Variants in VWA3A observed in about 807,000 individuals in gnomAD.
VWA3A encodes von Willebrand factor A domain-containing protein 3A.
In VWA3A, 134 loss-of-function variants were observed where a neutral mutation model predicts 160.4. That is an observed-to-expected ratio of 0.84 (90% CI 0.73 to 0.96). The LOEUF is 0.96. Ranked by LOEUF, VWA3A falls within the 40% of genes least tolerant of loss-of-function variation. The pLI is 0.00. For synonymous variants in VWA3A, 476 were observed against 543.4 expected (o/e 0.88, Z 1.72); for missense variants, 1,310 against 1,447.9 (o/e 0.90, Z 1.55).
intron 1 of VWA3A, among the ~76,000 whole-genome samples, chr16:22,093,043 C>T (rs912320295): frequency 9.9e-5 from 15 of 152,078 alleles, no homozygotes; most frequent in African/African-American, 3.4e-4. Context: ...TTGTTCTTTT[C>T]CTCTCCTGCA....
rs1288098443 is a variant in VWA3A, at chr16:22,115,428, C to T, written c.771C>T (p.Phe257=). The T allele has an allele frequency of 6.2e-7, 1 of 1,607,262 alleles. No individual in the cohort carries two copies. Among genetic ancestry groups the T allele is most frequent in the South Asian group, 1.1e-5 (1 of 89,202 alleles). The stretch of plus-strand genomic sequence containing the variant: ...TGCTACAAGCTCTGAAGAAGATCTT[C>T]ACTCTCAAGGGACTGGATTCCCTGG... ...SNLLQALKKI[F]TLKGLDSLVA... Residue 257 remains phenylalanine, a synonymous_variant, in exon 9 of 34, where the codon TTC becomes TTT. Transcript: ENST00000389398.
intron 17 of VWA3A, among the ~76,000 whole-genome samples, chr16:22,130,898 A>C (rs1255019785): frequency 6.6e-6 from 1 of 151,418 alleles, no homozygotes; most frequent in Non-Finnish European, 1.5e-5. Context: ...TATAGTATGG[A>C]TAGGGAGGGG....
chr16:22,111,604 C>T (rs2045552416), intron 8 of VWA3A, among the ~76,000 whole-genome samples: 1 of 152,138 alleles, frequency 6.6e-6, no homozygotes, highest in Admixed American at 6.5e-5. Flanking sequence ...GCCTCAGCCT[C>T]CTGAGTAGCT....
At chr16:22,092,723 G>A in intron 1 of VWA3A, 72 bp downstream of exon 1, 1 of 1,536,768 alleles carries the variant, frequency 6.5e-7, no homozygotes, top group Non-Finnish European at 8.8e-7. Context: ...CTAAGCTCTG[G>A]ACTGAGTGAG....
rs779371276 is a variant in VWA3A, at chr16:22,150,761, T to A, written c.3196T>A (p.Cys1066Ser). Residue 1066 changes from cysteine to serine, a missense_variant, in exon 30 of 34, where the codon TGC becomes AGC. Cys to Ser is a moderately radical substitution (Grantham distance 112). Coordinates refer to ENST00000389398, the MANE Select transcript of VWA3A (RefSeq NM_173615.5). ...LLTDGKPDTS[C>S]SLVLNEVQKL... ...GACCGACGGAAAGCCAGACACAAGC[T>A]GCAGCCTTGTCCTAAATGAAGTCCA... The A allele has an allele frequency of 1.2e-6, 2 of 1,612,990 alleles. No individual in the cohort carries two copies.
At chr16:22,146,077 C>T (rs1468970512) in intron 26 of VWA3A, among the ~76,000 whole-genome samples, 159 bp from the exon 27 acceptor site, 1 of 152,206 alleles carries the variant, frequency 6.6e-6, no homozygotes, top group Non-Finnish European at 1.5e-5. Context: ...CTGCCTCGGC[C>T]TCCCAAAGCG....
chr16:22,107,704 C>T (rs932169071), intron 6 of VWA3A, among the ~76,000 whole-genome samples: 2 of 152,114 alleles, frequency 1.3e-5, no homozygotes, highest in African/African-American at 4.8e-5. Context: ...TATGATTGTG[C>T]CACTGTGCAC....
intron 3 of VWA3A, among the ~76,000 whole-genome samples, chr16:22,098,470 C>CT (rs1167611172): frequency 6.6e-6 from 1 of 152,136 alleles, no homozygotes; most frequent in African/African-American, 2.4e-5. Context: ...CATCTTTCCT[C>CT]TAATTTTATA....
intron 12 of VWA3A, among the ~76,000 whole-genome samples, chr16:22,120,455 T>C (rs984273663): frequency 2.6e-5 from 4 of 152,242 alleles, no homozygotes; most frequent in Non-Finnish European, 5.9e-5. Context: ...ATATTGATTC[T>C]TAAAATATTA....
chr16:22,106,391 A>G (rs2045483020), intron 6 of VWA3A, among the ~76,000 whole-genome samples: 1 of 152,068 alleles, frequency 6.6e-6, no homozygotes, highest in Admixed American at 6.5e-5. Flanking sequence ...TCTCAAAAAT[A>G]AAATAAAAAA....
chr16:22,117,758 T>C (rs1399350808), intron 11 of VWA3A, among the ~76,000 whole-genome samples: 2 of 152,184 alleles, frequency 1.3e-5, no homozygotes, highest in African/African-American at 4.8e-5. Context: ...GCTCCCAGGC[T>C]GTGTCTTGCC....
intron 17 of VWA3A, among the ~76,000 whole-genome samples, chr16:22,129,485 G>A (rs1215518982): frequency 6.6e-6 from 1 of 152,064 alleles, no homozygotes; most frequent in Admixed American, 6.6e-5. Flanking sequence ...ACTGGCTGTA[G>A]GGGGTGAAAG....
At chr16:22,095,508 G>A (rs2045304550) in intron 1 of VWA3A, among the ~76,000 whole-genome samples, 1 of 152,134 alleles carries the variant, frequency 6.6e-6, no homozygotes, top group South Asian at 2.1e-4. Context: ...GCTTTGATCA[G>A]TTTTAAGCAG....
chr16:22,131,576 C>A lies in VWA3A; in HGVS notation c.1728-9C>A. Reference sequence around the variant, plus strand: ...ATGACCCTCAGCATGGCCATCTCTGCCTCCGCAGGTGGGCCCTGAACCTGC... The same window carrying A: ...ATGACCCTCAGCATGGCCATCTCTGACTCCGCAGGTGGGCCCTGAACCTGC... On this transcript the variant is annotated splice_polypyrimidine_tract_variant and intron_variant, in intron 18 of 33. Coordinates refer to ENST00000389398, the MANE Select transcript of VWA3A (RefSeq NM_173615.5). 6.2e-7 allele frequency: 1 copy of A among 1,609,900 alleles called. No homozygotes were observed. Among genetic ancestry groups the A allele is most frequent in the Non-Finnish European group, 8.5e-7 (1 of 1,177,924 alleles).
chr16:22,137,551 G>T (rs766813233), intron 21 of VWA3A, among the ~76,000 whole-genome samples: 5 of 152,172 alleles, frequency 3.3e-5, no homozygotes, highest in Non-Finnish European at 7.3e-5. Flanking sequence ...GATATGCATG[G>T]CAAGTCAATG....
chr16:22,097,123 A>T, intron 2 of VWA3A, among the ~76,000 whole-genome samples, 178 bp downstream of exon 2: 1 of 151,676 alleles, frequency 6.6e-6, no homozygotes, highest in East Asian at 1.9e-4. Flanking sequence ...CCACCATCAT[A>T]CCCAGCTGAT....
chr16:22,137,481 G>A (rs1407705144), intron 21 of VWA3A, among the ~76,000 whole-genome samples: 2 of 152,198 alleles, frequency 1.3e-5, no homozygotes, highest in Admixed American at 1.3e-4. Flanking sequence ...ACACTGATAA[G>A]GTGGTCTTAG....
At chr16:22,118,617 C>G (rs929226089) in intron 11 of VWA3A, among the ~76,000 whole-genome samples, 1 of 152,006 alleles carries the variant, frequency 6.6e-6, no homozygotes, top group South Asian at 2.1e-4. Flanking sequence ...ACCCAGGAGG[C>G]GGAGCTTGCC....
chr16:22,148,147 C>A lies in VWA3A; in HGVS notation c.2840-15C>A. The A allele has an allele frequency of 3.1e-6, 5 of 1,588,984 alleles. No individual in the cohort carries two copies. The highest frequency in any genetic ancestry group is 4.3e-6 in the Non-Finnish European group (5 of 1,167,820). On this transcript the variant is annotated splice_polypyrimidine_tract_variant and intron_variant, in intron 27 of 33. Transcript: ENST00000389398. ...TCACTCCCTCCCTGCCTCTTCCCCA[C>A]CTGTCTCGGAGCAGGGAGCCGCCGA...
Sources: gnomAD v4.1 joint callset for allele counts (sites outside exome capture counted in the v4.1 genomes callset) on GRCh38, gnomAD v4.1.1 for gene constraint, MANE v1.5 for transcripts, NCBI Gene and HGNC (gene_info 2026-07-23, HGNC 2026-07-21) for gene names.